ZNF594: variants seen among roughly 807,000 people sequenced by gnomAD.
The protein encoded by ZNF594 is zinc finger protein HZF18.
For synonymous variants in ZNF594, 336 were observed against 309.4 expected (o/e 1.09, Z -0.90); for missense variants, 1,037 against 964.6 (o/e 1.08, Z -0.99).
At chr17:5,178,874 G>A (rs577309355), downstream of ZNF594, among the ~76,000 whole-genome samples, 1 of 152,240 alleles carries the variant, frequency 6.6e-6, no homozygotes, top group East Asian at 1.9e-4. Context: ...CACTAGAAAT[G>A]ACCCCATAAA....
chr17:5,178,176 T>C (rs1321814015), downstream of ZNF594, among the ~76,000 whole-genome samples: 1 of 65,630 alleles, frequency 1.5e-5, no homozygotes, highest in Non-Finnish European at 4.3e-5. Flanking sequence ...ATACAAATAT[T>C]CTAAAAAAAA....
chr17:5,181,559 G>T lies in ZNF594; in HGVS notation c.*274C>A, dbSNP rs1279001783. Reference sequence around the variant, plus strand: ...GTTTCCCACATTCCTTACATTCATAGGGTTTCTCACCACTATGAATTCTCC... The same window carrying T: ...GTTTCCCACATTCCTTACATTCATATGGTTTCTCACCACTATGAATTCTCC... On this transcript the variant is annotated 3_prime_UTR_variant, in exon 2 of 2. Coordinates refer to ENST00000575779, the MANE Select transcript of ZNF594 (RefSeq NM_032530.2). The T allele has an allele frequency of 9.9e-6, 16 of 1,613,922 alleles. No homozygotes were observed. Among genetic ancestry groups the T allele is most frequent in the Non-Finnish European group, 1.4e-5 (16 of 1,179,916 alleles).
intron 1 of ZNF594, among the ~76,000 whole-genome samples, chr17:5,185,229 G>C (rs1197946266): frequency 6.6e-6 from 1 of 152,202 alleles, no homozygotes. Context: ...AGAAAAAGAG[G>C]TTTAGTTGGA....
At position 5,181,174 on chromosome 17, in the gene ZNF594, G is replaced by C; in HGVS notation, c.*659C>G. The C allele has an allele frequency of 6.2e-7, 1 of 1,610,094 alleles. No individual in the cohort carries two copies. The highest frequency in any genetic ancestry group is 8.5e-7 in the Non-Finnish European group (1 of 1,176,946). ...GGTTTCTCTCCAGTATGAACACGAT[G>C]GTGTCTAATAAGATCTGAGCTGCCC... On this transcript the variant is annotated 3_prime_UTR_variant, in exon 2 of 2. Transcript: ENST00000575779.
At position 5,181,807 on chromosome 17, in the gene ZNF594, C is replaced by T. The variant is rs747294577; in HGVS notation, c.*26G>A. 4.3e-5 allele frequency: 69 copies of T among 1,613,668 alleles called. No individual in the cohort carries two copies. Among genetic ancestry groups the T allele is most frequent in the South Asian group, 5.5e-5 (5 of 91,068 alleles). On this transcript the variant is annotated 3_prime_UTR_variant, in exon 2 of 2. Coordinates refer to ENST00000575779, the MANE Select transcript of ZNF594 (RefSeq NM_032530.2). ...AAAGATTCCCCACATTTATTGCATA[C>T]GTAAGGTTTTTCTCCACTGTGAATT... is the stretch of plus-strand genomic sequence containing the variant.
rs781210726 is a variant in ZNF594, at chr17:5,181,244, A to G, written c.*589T>C. 5.0e-5 allele frequency: 80 copies of G among 1,612,186 alleles called. No individual in the cohort carries two copies. Among genetic ancestry groups the G allele is most frequent in the Non-Finnish European group, 6.7e-5 (79 of 1,178,396 alleles). On this transcript the variant is annotated 3_prime_UTR_variant, in exon 2 of 2. Coordinates refer to ENST00000575779, the MANE Select transcript of ZNF594 (RefSeq NM_032530.2). ...TGTTGCATACATAAGGTTTTTCTCC[A>G]CTGTGAATTCTATGATGTCTCAGAA...
At chr17:5,189,947 CACT>C (rs1238474586) in intron 1 of ZNF594, among the ~76,000 whole-genome samples, 1 of 152,166 alleles carries the variant, frequency 6.6e-6, no homozygotes, top group East Asian at 1.9e-4. Context: ...CAAAAATAAT[CACT>C]ACAAGGTCAC....
chr17:5,187,302 C>T (rs2074391909), intron 1 of ZNF594, among the ~76,000 whole-genome samples: 1 of 152,200 alleles, frequency 6.6e-6, no homozygotes, highest in African/African-American at 2.4e-5. Context: ...TCTCATGAGA[C>T]TTATTCACTA....
rs764096991 is a variant in ZNF594 at position 5,182,327 on chromosome 17, G to C, written c.1930C>G (p.Arg644Gly). ...TAGGGTTTCTCTCCAGTATGAATACGATGGTGTTTAATAAGATCTGAGCTA... is the reference window on the plus strand; with the variant it reads ...TAGGGTTTCTCTCCAGTATGAATACCATGGTGTTTAATAAGATCTGAGCTA... ...RGSSDLIKHH[R>G]IHTGEKPYEC... Residue 644 changes from arginine to glycine, a missense_variant, in exon 2 of 2, where the codon CGT (arginine) becomes GGT (glycine). Arg to Gly is a moderately radical substitution (Grantham distance 125, BLOSUM62 -2). Coordinates refer to ENST00000575779, the MANE Select transcript of ZNF594 (RefSeq NM_032530.2). 6.2e-7 allele frequency: 1 copy of C among 1,613,074 alleles called. No individual in the cohort carries two copies. The highest frequency in any genetic ancestry group is 8.5e-7 in the Non-Finnish European group (1 of 1,179,870).
At chr17:5,175,674 CAGG>C (rs1309636307), downstream of ZNF594, among the ~76,000 whole-genome samples, 1 of 151,954 alleles carries the variant, frequency 6.6e-6, no homozygotes, top group African/African-American at 2.4e-5. Context: ...TTGTGCAGAT[CAGG>C]AGATGAGGTG....
Position 5,182,010 on chromosome 17 carries a change from T to C in ZNF594, c.2247A>G (p.Arg749=), listed in dbSNP as rs766969520. 5.1e-5 allele frequency: 82 copies of C among 1,613,120 alleles called. No individual in the cohort carries two copies. Among genetic ancestry groups the C allele is most frequent in the South Asian group, 6.6e-5 (6 of 91,058 alleles). ...TTTCCTGGTGAGTTCTCTGCTCTTT[T>C]CTAAGCTCCTCATCCTTGCTGAAGG... is the stretch of plus-strand genomic sequence containing the variant. The part of the protein sequence containing the change: ...EKTFSKDEEL[R]KEQRTHQEKK... The change falls in exon 2 of 2, where the codon AGA becomes AGG. Residue 749 remains arginine (R), a synonymous_variant. Coordinates refer to ENST00000575779, the MANE Select transcript of ZNF594 (RefSeq NM_032530.2).
chr17:5,183,550 C>T lies in ZNF594; in HGVS notation c.707G>A (p.Gly236Glu), dbSNP rs546541954. The T allele has an allele frequency of 6.2e-7, 1 of 1,614,126 alleles. No individual in the cohort carries two copies. Residue 236 changes from glycine (G) to glutamate (E), a missense_variant, in exon 2 of 2, where the codon GGG becomes GAG. Transcript: ENST00000575779. Reference protein sequence around the residue: ...LVLHQRIHSRGKPYLCNKCGK... With the variant: ...LVLHQRIHSREKPYLCNKCGK... ...ACATTTATTGCATAAATATGGCTTC[C>T]CCCTACTGTGGATTCTCTGGTGCAG...
At chr17:5,185,484 A>T (rs987788061) in intron 1 of ZNF594, among the ~76,000 whole-genome samples, 17 of 152,192 alleles carry the variant, frequency 1.1e-4, no homozygotes, top group African/African-American at 3.9e-4. Context: ...GTACAATTCA[A>T]GATGAGACTT....
Position 5,182,172 on chromosome 17 carries a change from A to G in ZNF594, c.2085T>C (p.Leu695=), listed in dbSNP as rs2074347530. The G allele has an allele frequency of 6.2e-6, 10 of 1,613,580 alleles. No homozygotes were observed. In the East Asian group the frequency reaches 1.8e-4, roughly 29 times the overall value. The change falls in exon 2 of 2, where the codon CTT becomes CTC. Residue 695 remains leucine (L), a synonymous_variant. Transcript: ENST00000575779. ...CACTATGAAGTCTCCGATGTTGAAT[A>G]AGGAGGGAACGCCGCCTGAAGGCAT... ...CGNAFRRRSL[L]IQHRRLHSGE...
intron 1 of ZNF594, among the ~76,000 whole-genome samples, chr17:5,189,392 C>T (rs1026679546): frequency 1.3e-5 from 2 of 151,786 alleles, no homozygotes; most frequent in African/African-American, 4.8e-5. Context: ...GGATTACAGG[C>T]ATGCTGCAGC....
intron 1 of ZNF594, among the ~76,000 whole-genome samples, chr17:5,188,943 T>C (rs1232593656): frequency 6.6e-6 from 1 of 151,928 alleles, no homozygotes. Context: ...GAGACGGGGT[T>C]TCACCACATT....
intron 1 of ZNF594, among the ~76,000 whole-genome samples, chr17:5,188,805 TGGCGCGATCTC>T: frequency 6.7e-6 from 1 of 149,480 alleles, no homozygotes; most frequent in South Asian, 2.1e-4. Flanking sequence ...TGGAGTGCAA[TGGCGCGATCTC>T]GGCTCACTGC....
At chr17:5,185,720 T>A (rs141377530) in intron 1 of ZNF594, among the ~76,000 whole-genome samples, 19 of 152,206 alleles carry the variant, frequency 1.2e-4, no homozygotes, top group African/African-American at 4.6e-4. Flanking sequence ...TTCCTAGATA[T>A]AATGGGGGTA....
chr17:5,182,828 T>G lies in ZNF594; in HGVS notation c.1429A>C (p.Thr477Pro). 1 of 1,614,024 alleles carries G rather than the reference T, an allele frequency of 6.2e-7. No individual in the cohort carries two copies. Among genetic ancestry groups the G allele is most frequent in the Admixed American group, 1.7e-5 (1 of 60,002 alleles). ...TCTCCAGTATGGATTTTCTGGTGTG[T>G]AACAAGGTGTGACCTCTGGCTAAAG... ...KAFSQRSHLV[T>P]HQKIHTGEKP... is the part of the protein sequence containing the mutation. Residue 477 changes from threonine (T) to proline (P), a missense_variant, in exon 2 of 2, where the codon ACA becomes CCA. Thr to Pro is a conservative substitution (Grantham distance 38, BLOSUM62 -1). Transcript: ENST00000575779.
Sources: allele counts gnomAD v4.1 joint callset (sites outside exome capture counted in the v4.1 genomes callset), GRCh38; gene constraint gnomAD v4.1.1; transcripts MANE v1.5; gene names NCBI Gene and HGNC (gene_info 2026-07-23, HGNC 2026-07-21).